The following ENPP2 variants were observed in gnomAD, a reference collection of about 807,000 sequenced individuals.
The protein encoded by ENPP2 is autotaxin.
In ENPP2, 51 loss-of-function variants were observed where a neutral mutation model predicts 120.2. That is an observed-to-expected ratio of 0.42 (90% confidence interval 0.34 to 0.54). The LOEUF is 0.54. Among genes scored for constraint, ENPP2 ranks in the 20% least tolerant of loss-of-function variants. The pLI, the probability that ENPP2 is intolerant of heterozygous loss-of-function variation, is 0.04. For missense variants in ENPP2, 920 were observed against 1,066.5 expected (o/e 0.86, Z 1.91); for synonymous variants, 365 against 366.4 (o/e 1.00, Z 0.04).
At chr8:119,569,424 GA>G in intron 20 of ENPP2, 54 bp from the exon 21 acceptor site, 3 of 1,584,752 alleles carry the variant, frequency 1.9e-6, no homozygotes, top group Non-Finnish European at 2.6e-6. Flanking sequence ...ACGAACGGCT[GA>G]AATCAAAACC....
chr8:119,604,541 T>G (rs1814555035), intron 9 of ENPP2, among the ~76,000 whole-genome samples: 1 of 150,788 alleles, frequency 6.6e-6, no homozygotes, highest in South Asian at 2.1e-4. Context: ...TCACCACCAC[T>G]GATTGATGCA....
chr8:119,558,986 G>A (rs1241596782), intron 24 of ENPP2, among the ~76,000 whole-genome samples: 2 of 152,180 alleles, frequency 1.3e-5, no homozygotes, highest in Non-Finnish European at 2.9e-5. Flanking sequence ...ATGTTCGGGA[G>A]GGTGTTGGTT....
intron 17 of ENPP2, among the ~76,000 whole-genome samples, 193 bp downstream of exon 17, chr8:119,583,524 T>C (rs1385612039): frequency 1.3e-5 from 2 of 152,142 alleles, no homozygotes; most frequent in East Asian, 3.9e-4. Context: ...TAGTCAACTG[T>C]TGAAGGAAGA....
At chr8:119,664,725 T>A (rs1818021193) in intron 1 of ENPP2, among the ~76,000 whole-genome samples, 1 of 152,056 alleles carries the variant, frequency 6.6e-6, no homozygotes, top group Non-Finnish European at 1.5e-5. Flanking sequence ...GCAGATCACT[T>A]GAGGTCACAG....
intron 14 of ENPP2, 31 bp from the exon 15 acceptor site, chr8:119,586,344 T>C (rs769838902): frequency 1.2e-6 from 2 of 1,608,782 alleles, no homozygotes; most frequent in Admixed American, 1.7e-5. Flanking sequence ...AGACTTCAGA[T>C]GGAATGTCTT....
chr8:119,604,234 G>T (rs1814530726), intron 9 of ENPP2, among the ~76,000 whole-genome samples: 1 of 151,962 alleles, frequency 6.6e-6, no homozygotes, highest in Non-Finnish European at 1.5e-5. Flanking sequence ...CACCATGTTG[G>T]CCAGGCTGGT....
At chr8:119,661,936 C>T (rs2130897918) in intron 1 of ENPP2, among the ~76,000 whole-genome samples, 1 of 152,206 alleles carries the variant, frequency 6.6e-6, no homozygotes, top group Non-Finnish European at 1.5e-5. Flanking sequence ...ACAAATACCA[C>T]ATGATTGCAT....
chr8:119,661,434 G>A (rs1241012215), intron 1 of ENPP2, among the ~76,000 whole-genome samples: 1 of 152,098 alleles, frequency 6.6e-6, no homozygotes, highest in Non-Finnish European at 1.5e-5. Flanking sequence ...TAATCATCAG[G>A]GAAATGCAAA....
Position 119,570,748 on chromosome 8 carries a change from AT to A in ENPP2, c.1873del (p.Ile625TyrfsTer3). On this transcript the variant is annotated frameshift_variant, in exon 20 of 25. Coordinates refer to ENST00000075322, the MANE Select transcript of ENPP2 (RefSeq NM_001040092.3). LOFTEE classifies it high-confidence loss of function. ...TGATGTCCAGAGTGGCATTAGGAAT[AT>A]TTCACTATAACCACTTTCAAAGTCA... The part of the protein sequence containing the change: ...HTDFESGYSE[I>X]FLMPLWTSYT... 1 of 1,594,108 alleles carries A rather than the reference AT, an allele frequency of 6.3e-7. No homozygotes were observed. The highest frequency in any genetic ancestry group is 1.7e-5 in the Admixed American group (1 of 57,776).
rs780546978 is a variant in ENPP2, at chr8:119,617,476, A to G, written c.567T>C (p.Ile189=). The G allele has an allele frequency of 6.2e-7, 1 of 1,604,648 alleles. No individual in the cohort carries two copies. The highest frequency in any genetic ancestry group is 8.5e-7 in the Non-Finnish European group (1 of 1,172,016). ...ATGGAAATTACTTACTTAGTTTTTC[A>G]ATATTAGGCATGACTTTGCTGCCTT... ...MKKGSKVMPN[I]EKLRSCGTHS... Residue 189 remains isoleucine, a synonymous_variant, in exon 6 of 25, where the codon ATT becomes ATC. Coordinates refer to ENST00000075322, the MANE Select transcript of ENPP2 (RefSeq NM_001040092.3).
Position 119,600,742 on chromosome 8 carries a change from A to C in ENPP2, c.908T>G (p.Val303Gly), listed in dbSNP as rs1193713914. ...AGGTTGCTCAGAATAGAAGGCATAGACCGAAGGCCTATAAGAAAATTGGAA... is the reference window on the plus strand; with the variant it reads ...AGGTTGCTCAGAATAGAAGGCATAGCCCGAAGGCCTATAAGAAAATTGGAA... ...LTLPDHERPS[V>G]YAFYSEQPDF... The change falls in exon 11 of 25, where the codon GTC becomes GGC. Residue 303 changes from valine (V) to glycine (G), a missense_variant. By Grantham distance (109) the Val-to-Gly change is moderately radical. Transcript: ENST00000075322. 1 of 1,605,824 alleles carries C rather than the reference A, an allele frequency of 6.2e-7. No homozygotes were observed. The highest frequency in any genetic ancestry group is 8.5e-7 in the Non-Finnish European group (1 of 1,172,622).
At chr8:119,567,838 A>G (rs1814607084) in intron 22 of ENPP2, among the ~76,000 whole-genome samples, 1 of 152,222 alleles carries the variant, frequency 6.6e-6, no homozygotes, top group Non-Finnish European at 1.5e-5. Context: ...AATAACAACC[A>G]TATTAGAAGA....
chr8:119,621,415 T>C lies in ENPP2; in HGVS notation c.397A>G (p.Asn133Asp). The change falls in exon 4 of 25, where the codon AAT (asparagine) becomes GAT (aspartate). Residue 133 changes from asparagine (N) to aspartate (D), a missense_variant. Physicochemically the swap from Asn to Asp is conservative, Grantham distance 23. Coordinates refer to ENST00000075322, the MANE Select transcript of ENPP2 (RefSeq NM_001040092.3). ...DCLARGDCCT[N>D]YQVVCKGESH... ...GTACCTTTGCAAACCACTTGGTAAT[T>C]GGTACAGCAGTCTCCCCTGGCCAAG... 1 of 1,613,526 alleles carries C rather than the reference T, an allele frequency of 6.2e-7. No homozygotes were observed. Among genetic ancestry groups the C allele is most frequent in the Non-Finnish European group, 8.5e-7 (1 of 1,179,568 alleles).
Position 119,568,604 on chromosome 8 carries a change from A to G in ENPP2, c.2054-352T>C, listed in dbSNP as rs555036051. Among the ~76,000 whole-genome samples, 267 of 151,752 alleles carry G rather than the reference A, an allele frequency of 1.8e-3. 3 individuals carry two copies. The highest frequency in any genetic ancestry group is 2.6e-3 in the Non-Finnish European group (180 of 67,944). On this transcript the variant is annotated intron_variant, in intron 21 of 24. Transcript: ENST00000075322. ...TAATGAGAGATGGTTTAAGGGCTTC[A>G]GATTTTTTTTTTTAAATATGGAATC...
intron 1 of ENPP2, among the ~76,000 whole-genome samples, chr8:119,671,366 A>T (rs1818242428): frequency 6.6e-6 from 1 of 152,170 alleles, no homozygotes; most frequent in South Asian, 2.1e-4. Flanking sequence ...GCTGGGCAGG[A>T]CTGGCCCCAG....
At chr8:119,622,356 C>T (rs1815965010) in intron 3 of ENPP2, among the ~76,000 whole-genome samples, 1 of 152,188 alleles carries the variant, frequency 6.6e-6, no homozygotes, top group Non-Finnish European at 1.5e-5. Context: ...GGGGGCATTA[C>T]AATGTTTGCT....
chr8:119,649,086 A>C (rs1270153455), intron 1 of ENPP2, among the ~76,000 whole-genome samples: 1 of 152,130 alleles, frequency 6.6e-6, no homozygotes, highest in Non-Finnish European at 1.5e-5. Context: ...AGACAATCTA[A>C]AAGTTAAGAA....
chr8:119,607,689 T>C (rs370148617), intron 9 of ENPP2, among the ~76,000 whole-genome samples: 2 of 137,902 alleles, frequency 1.5e-5, no homozygotes, highest in African/African-American at 2.9e-5. Context: ...AAAAAAAAAA[T>C]AGAGAGAGAC....
chr8:119,604,526 T>G (rs1814553290), intron 9 of ENPP2, among the ~76,000 whole-genome samples: 1 of 151,888 alleles, frequency 6.6e-6, no homozygotes, highest in Admixed American at 6.6e-5. Context: ...TACATGTTGC[T>G]GTCTTCACCA....
Sources: allele counts gnomAD v4.1 joint callset (sites outside exome capture counted in the v4.1 genomes callset), GRCh38; gene constraint gnomAD v4.1.1; transcripts MANE v1.5; gene names NCBI Gene and HGNC (gene_info 2026-07-23, HGNC 2026-07-21).